The following PGAM2 variants were observed in gnomAD, a reference collection of about 807,000 sequenced individuals.
PGAM2 encodes BPG-dependent PGAM 2.
In PGAM2, 23 loss-of-function variants were observed where a neutral mutation model predicts 22.5. The observed-to-expected ratio is 1.02, with a 90% CI of 0.74 to 1.45. The LOEUF is 1.45. Among genes scored for constraint, PGAM2 ranks in the 40% most tolerant of loss-of-function variants. The probability of loss-of-function intolerance (pLI) is 0.00; values close to 1 mark genes in which losing one functional copy is unlikely to be tolerated. For missense variants in PGAM2, 349 were observed against 356.2 expected (o/e 0.98, Z 0.16); for synonymous variants, 133 against 138.6 (o/e 0.96, Z 0.29).
Position 44,065,516 on chromosome 7 carries a change from CGGTG to C in PGAM2, c.10_13del (p.His4AlafsTer3). ...CTCGCCGTGCCGGACCATCACGAGG[CGGTG>C]AGTGGCCATGGTGGCAGCAGGGACC... On this transcript the variant is annotated frameshift_variant, in exon 1 of 3. Coordinates refer to ENST00000297283, the MANE Select transcript of PGAM2 (RefSeq NM_000290.4). LOFTEE classifies it high-confidence loss of function. The C allele has an allele frequency of 6.2e-7, 1 of 1,613,972 alleles. No homozygotes were observed. Among genetic ancestry groups the C allele is most frequent in the Non-Finnish European group, 8.5e-7 (1 of 1,180,006 alleles).
intron 2 of PGAM2, chr7:44,063,225 G>C (rs543356808): frequency 5.1e-5 from 24 of 468,540 alleles, no homozygotes; most frequent in African/African-American, 2.9e-4. Flanking sequence ...ACTCCAGCCA[G>C]ACTGAAGTTG....
rs753385432 is a variant in PGAM2 at position 44,065,196 on chromosome 7, C to T, written c.334G>A (p.Val112Met). 4.1e-5 allele frequency: 66 copies of T among 1,614,000 alleles called. No homozygotes were observed. Among genetic ancestry groups the T allele is most frequent in the Non-Finnish European group, 5.3e-5 (63 of 1,180,056 alleles). ...ETAAKHGEEQ[V>M]KIWRRSFDIP... is the part of the protein sequence containing the mutation. ...TCGAAGGAGCGCCTCCAGATCTTCA[C>T]CTGCTCCTCCCCGTGCTTGGCGGCC... Residue 112 changes from valine (V) to methionine (M), a missense_variant, in exon 1 of 3, where the codon GTG becomes ATG. Transcript: ENST00000297283.
chr7:44,063,775 G>A (rs1375620545), intron 2 of PGAM2: 2 of 152,490 alleles, frequency 1.3e-5, no homozygotes, highest in Non-Finnish European at 2.9e-5. Context: ...GTGCAGGAGG[G>A]TTTAAGAAAA....
In PGAM2 at chr7:44,065,380, C is replaced by T. The variant is rs1586002241; in HGVS notation, c.150G>A (p.Met50Ile). 1.2e-6 allele frequency: 2 copies of T among 1,614,074 alleles called. No homozygotes were observed. The highest frequency in any genetic ancestry group is 1.7e-6 in the Non-Finnish European group (2 of 1,180,040). The change falls in exon 1 of 3, where the codon ATG becomes ATA. Residue 50 changes from methionine to isoleucine, a missense_variant. Coordinates refer to ENST00000297283, the MANE Select transcript of PGAM2 (RefSeq NM_000290.4). ...CTGACGTGTAGCAGATGTCAAACTC[C>T]ATCTTGGCATCCTTGATGGCCTTGG... ...RGAKAIKDAK[M>I]EFDICYTSVL...
Position 44,065,559 on chromosome 7 carries a change from G to C in PGAM2, c.-30C>G. The C allele has an allele frequency of 6.2e-7, 1 of 1,607,756 alleles. No homozygotes were observed. ...GCAGCAGGGACCACAGAGGACTCTG[G>C]ACGGGGACGGCTGCTTCCCAACACT... On this transcript the variant is annotated 5_prime_UTR_variant, in exon 1 of 3. Coordinates refer to ENST00000297283, the MANE Select transcript of PGAM2 (RefSeq NM_000290.4).
Position 44,062,849 on chromosome 7 carries a change from G to A in PGAM2, c.677C>T (p.Pro226Leu), listed in dbSNP as rs146440683. 1 of 1,614,200 alleles carries A rather than the reference G, an allele frequency of 6.2e-7. No homozygotes were observed. The highest frequency in any genetic ancestry group is 8.5e-7 in the Non-Finnish European group (1 of 1,180,022). The stretch of plus-strand genomic sequence containing the variant: ...ACCCAGGAACTGCATGGGCTTGGTG[G>A]GCTTCAGCTCCTTGTTCAGCTCATA... Reference protein sequence around the residue: ...IVYELNKELKPTKPMQFLGDE... With the variant: ...IVYELNKELKLTKPMQFLGDE... The change falls in exon 3 of 3, where the codon CCC (proline) becomes CTC (leucine). Residue 226 changes from proline (P) to leucine (L), a missense_variant. Physicochemically the swap from Pro to Leu is moderately conservative, Grantham distance 98 (BLOSUM62 -3). Coordinates refer to ENST00000297283, the MANE Select transcript of PGAM2 (RefSeq NM_000290.4).
chr7:44,064,930 A>G lies in PGAM2; in HGVS notation c.497T>C (p.Phe166Ser). 1 of 1,610,902 alleles carries G rather than the reference A, an allele frequency of 6.2e-7. No individual in the cohort carries two copies. The highest frequency in any genetic ancestry group is 8.5e-7 in the Non-Finnish European group (1 of 1,179,748). ...CTGGGGAACAATCTCCTCGTTCCAG[A>G]AGGGCAGGGCCCGGGCAATGGTGTC... ...LKDTIARALP[F>S]WNEEIVPQIK... The change falls in exon 2 of 3, where the codon TTC becomes TCC. Residue 166 changes from phenylalanine (F) to serine (S), a missense_variant. Coordinates refer to ENST00000297283, the MANE Select transcript of PGAM2 (RefSeq NM_000290.4).
In PGAM2 at chr7:44,065,346, G is replaced by A. The variant is rs922606034; in HGVS notation, c.184C>T (p.Arg62Trp). ...ATGGCCCAGAGGGTGCGGATGGCCCGCTTCAGCACTGACGTGTAGCAGATG... is the reference window on the plus strand; with the variant it reads ...ATGGCCCAGAGGGTGCGGATGGCCCACTTCAGCACTGACGTGTAGCAGATG... ...FDICYTSVLK[R>W]AIRTLWAILD... is the part of the protein sequence containing the mutation. Residue 62 changes from arginine (R) to tryptophan (W), a missense_variant, in exon 1 of 3, where the codon CGG becomes TGG. Physicochemically the swap from Arg to Trp is moderately radical, Grantham distance 101. Coordinates refer to ENST00000297283, the MANE Select transcript of PGAM2 (RefSeq NM_000290.4). 7.4e-6 allele frequency: 12 copies of A among 1,613,736 alleles called. No homozygotes were observed. The highest frequency in any genetic ancestry group is 1.7e-5 in the Admixed American group (1 of 60,026).
chr7:44,065,052 T>C, intron 1 of PGAM2, 40 bp from the exon 2 acceptor site: 1 of 1,609,484 alleles, frequency 6.2e-7, no homozygotes, highest in South Asian at 1.1e-5. Context: ...CCCAAGCCAG[T>C]GGGCCCCCAC....
intron 2 of PGAM2, chr7:44,064,624 A>G (rs1020793888): frequency 8.4e-6 from 5 of 597,518 alleles, no homozygotes; most frequent in Non-Finnish European, 1.5e-5. Flanking sequence ...GAGTGCAGTC[A>G]GCCCCTGTGG....
At chr7:44,064,797 A>AAAGGGGG in intron 2 of PGAM2, 35 bp downstream of exon 2, 1 of 633,306 alleles carries the variant, frequency 1.6e-6, no homozygotes, top group Non-Finnish European at 2.8e-6. Context: ...GCTGCTGCCC[A>AAAGGGGG]CCCACCCTGC....
chr7:44,064,334 G>A (rs1407094714), intron 2 of PGAM2: 1 of 199,578 alleles, frequency 5.0e-6, no homozygotes, highest in Admixed American at 5.3e-5. Context: ...TCCAGAGGGA[G>A]ATAGGTGGTG....
At chr7:44,063,352 T>G (rs1562660295) in intron 2 of PGAM2, 1 of 265,304 alleles carries the variant, frequency 3.8e-6, no homozygotes, top group East Asian at 9.6e-5. Context: ...TGGCACGATC[T>G]TGGCTCACTG....
Position 44,065,552 on chromosome 7 carries a change from G to A in PGAM2, c.-23C>T. On this transcript the variant is annotated 5_prime_UTR_variant, in exon 1 of 3. Transcript: ENST00000297283. ...CATGGTGGCAGCAGGGACCACAGAG[G>A]ACTCTGGACGGGGACGGCTGCTTCC... The A allele has an allele frequency of 1.2e-6, 2 of 1,611,320 alleles. No individual in the cohort carries two copies. Among genetic ancestry groups the A allele is most frequent in the South Asian group, 1.1e-5 (1 of 91,020 alleles).
In PGAM2 at chr7:44,064,869, G is replaced by A. The variant is rs371937909; in HGVS notation, c.558C>T (p.His186=). ...KAGKRVLIAA[H]GNSLRGIVKH... is the part of the protein sequence containing the mutation. ...TGACAATGCCCCGCAGGCTGTTCCC[G>A]TGGGCTGCAATGAGCACTCGCTTGC... The change falls in exon 2 of 3, where the codon CAC becomes CAT. Residue 186 remains histidine (H), a synonymous_variant. Coordinates refer to ENST00000297283, the MANE Select transcript of PGAM2 (RefSeq NM_000290.4). 2.5e-5 allele frequency: 34 copies of A among 1,369,724 alleles called. No homozygotes were observed. Among genetic ancestry groups the A allele is most frequent in the East Asian group, 9.0e-5 (2 of 22,304 alleles). The allele number at this position is 1,369,724 out of a possible 1,614,324, so 84.8% of individuals were successfully genotyped here.
chr7:44,064,923 G>T lies in PGAM2; in HGVS notation c.504C>A (p.Asn168Lys). ...CCTTGATCTGGGGAACAATCTCCTC[G>T]TTCCAGAAGGGCAGGGCCCGGGCAA... ...DTIARALPFW[N>K]EEIVPQIKAG... Residue 168 changes from asparagine (N) to lysine (K), a missense_variant, in exon 2 of 3, where the codon AAC (asparagine) becomes AAA (lysine). By Grantham distance (94) the Asn-to-Lys change is moderately conservative. Coordinates refer to ENST00000297283, the MANE Select transcript of PGAM2 (RefSeq NM_000290.4). The T allele has an allele frequency of 6.2e-7, 1 of 1,610,880 alleles. No individual in the cohort carries two copies.
In PGAM2 at chr7:44,065,019, G is replaced by A. The variant is rs2096156778; in HGVS notation, c.415-7C>T. 6 of 1,606,590 alleles carry A rather than the reference G, an allele frequency of 3.7e-6. No individual in the cohort carries two copies. The East Asian group carries it at 1.3e-4, about 36-fold the overall frequency. On this transcript the variant is annotated splice_polypyrimidine_tract_variant and splice_region_variant and intron_variant, in intron 1 of 2. Coordinates refer to ENST00000297283, the MANE Select transcript of PGAM2 (RefSeq NM_000290.4). ...GGCCTGCGTACCGACGCTCCTGGGG[G>A]ACACAGGCACGCTGCTTTCCCTCCC...
At chr7:44,062,994 T>C in intron 2 of PGAM2, 64 bp from the exon 3 acceptor site, 1 of 1,546,146 alleles carries the variant, frequency 6.5e-7, no homozygotes, top group Non-Finnish European at 8.9e-7. Context: ...CAGCAGACAC[T>C]ATGTGACCTT....
intron 2 of PGAM2, chr7:44,064,514 A>C: frequency 4.9e-6 from 2 of 408,494 alleles, no homozygotes. Flanking sequence ...TGGGATTTGG[A>C]GCCAGATGCT....
Sources: allele counts gnomAD v4.1 joint callset, GRCh38; gene constraint gnomAD v4.1.1; transcripts MANE v1.5; gene names NCBI Gene and HGNC (gene_info 2026-07-23, HGNC 2026-07-21).